SPON1: variants seen among roughly 807,000 people sequenced by gnomAD.
SPON1 encodes spondin-1.
SPON1 carries 52 observed loss-of-function variants against 111.7 expected under a neutral mutation model. The ratio of observed to expected loss-of-function variants is 0.47; its 90% confidence interval spans 0.37 to 0.59. The LOEUF is 0.59. SPON1 is among the 20% of genes least tolerant of loss of function. The pLI is 0.00. For missense variants in SPON1, 957 were observed against 1,068.5 expected, an observed-to-expected ratio of 0.90 and a Z score of 1.46; for synonymous variants, 410 against 395.8, an observed-to-expected ratio of 1.04 and a Z score of -0.43.
At chr11:14,031,466 T>A (rs1040331391) in intron 2 of SPON1, among the ~76,000 whole-genome samples, 2 of 152,184 alleles carry the variant, frequency 1.3e-5, no homozygotes, top group Non-Finnish European at 2.9e-5. Flanking sequence ...AATAACGCAG[T>A]CAATGCAGCC....
At chr11:13,997,461 G>A (rs1848282456) in intron 2 of SPON1, among the ~76,000 whole-genome samples, 1 of 152,180 alleles carries the variant, frequency 6.6e-6, no homozygotes, top group Non-Finnish European at 1.5e-5. Context: ...ATAAAATAAT[G>A]TATGTAAAAT....
At position 14,262,959 on chromosome 11, in the gene SPON1, A is replaced by C; in HGVS notation, c.2244A>C (p.Glu748Asp). 4 of 1,612,454 alleles carry C rather than the reference A, an allele frequency of 2.5e-6. No homozygotes were observed. Among genetic ancestry groups the C allele is most frequent in the Non-Finnish European group, 3.4e-6 (4 of 1,179,426 alleles). Reference sequence around the variant, plus strand: ...GTGAGCAGCTGAAGGAAGAGTCTGAAGGGGAGCAGTTCCCAGGTATGGCTC... The same window carrying C: ...GTGAGCAGCTGAAGGAAGAGTCTGACGGGGAGCAGTTCCCAGGTATGGCTC... ...RRSEQLKEESEGEQFPGCRMR... is the reference protein window; with the variant it reads ...RRSEQLKEESDGEQFPGCRMR... Residue 748 changes from glutamate (E) to aspartate (D), a missense_variant, in exon 15 of 16, where the codon GAA becomes GAC. Glu to Asp is a conservative substitution (Grantham distance 45). Transcript: ENST00000576479.
chr11:14,141,896 C>A (rs189847060), intron 6 of SPON1, among the ~76,000 whole-genome samples: 1 of 152,276 alleles, frequency 6.6e-6, no homozygotes, highest in African/African-American at 2.4e-5. Flanking sequence ...CAAACACACA[C>A]ACACCCCACC....
intron 2 of SPON1, among the ~76,000 whole-genome samples, chr11:14,028,899 G>T (rs1408301588): frequency 6.6e-6 from 1 of 152,134 alleles, no homozygotes; most frequent in Non-Finnish European, 1.5e-5. Context: ...CTACCTCTCA[G>T]GATTCCAGGA....
intron 6 of SPON1, chr11:14,224,633 T>G (rs1848717072): frequency 3.5e-6 from 1 of 287,060 alleles, no homozygotes; most frequent in Admixed American, 3.2e-5. Context: ...AGATAATGCA[T>G]GTAGCACTCT....
In SPON1 at chr11:14,265,531, G is replaced by T. The variant is rs1420699469; in HGVS notation, c.2268G>T (p.Arg756Ser). The T allele has an allele frequency of 1.2e-6, 2 of 1,612,866 alleles. No homozygotes were observed. Among genetic ancestry groups the T allele is most frequent in the East Asian group, 4.5e-5 (2 of 44,880 alleles). ...GCATTCTCATGCTTTCAGGTTGTAG[G>T]ATGCGCCCATGGACGGCCTGGTCAG... The part of the protein sequence containing the change: ...ESEGEQFPGC[R>S]MRPWTAWSEC... The change falls in exon 16 of 16, where the codon AGG becomes AGT. Residue 756 changes from arginine (R) to serine (S), a missense_variant. Transcript: ENST00000576479.
intron 6 of SPON1, among the ~76,000 whole-genome samples, chr11:14,220,360 A>G (rs1848668667): frequency 6.6e-6 from 1 of 152,170 alleles, no homozygotes; most frequent in Admixed American, 6.5e-5. Flanking sequence ...CAACTGTGAG[A>G]AGGTGATTTT....
intron 3 of SPON1, among the ~76,000 whole-genome samples, chr11:14,056,545 A>T (rs1848745809): frequency 6.6e-6 from 1 of 152,144 alleles, no homozygotes. Context: ...AAAAATATAA[A>T]ACAAAGTGGT....
At position 14,265,727 on chromosome 11, in the gene SPON1, G is replaced by A. The variant is rs1849258953; in HGVS notation, c.*40G>A. On this transcript the variant is annotated 3_prime_UTR_variant, in exon 16 of 16. Coordinates refer to ENST00000576479, the MANE Select transcript of SPON1 (RefSeq NM_006108.4). Reference sequence around the variant, plus strand: ...CCCCAGGGCTGCACTCTAGATTCCAGAGTCACCAATGGCTGGATTATTTGC... The same window carrying A: ...CCCCAGGGCTGCACTCTAGATTCCAAAGTCACCAATGGCTGGATTATTTGC... 1.3e-6 allele frequency: 2 copies of A among 1,596,516 alleles called. No homozygotes were observed. The highest frequency in any genetic ancestry group is 1.7e-6 in the Non-Finnish European group (2 of 1,170,390).
chr11:14,037,593 A>G (rs1848604112), intron 2 of SPON1, among the ~76,000 whole-genome samples: 1 of 152,138 alleles, frequency 6.6e-6, no homozygotes, highest in Admixed American at 6.5e-5. Flanking sequence ...AAAATGGATT[A>G]CAGACCTAAG....
At chr11:14,146,664 G>T (rs1191878803) in intron 6 of SPON1, among the ~76,000 whole-genome samples, 1 of 152,054 alleles carries the variant, frequency 6.6e-6, no homozygotes, top group African/African-American at 2.4e-5. Flanking sequence ...GTTTGAAAAA[G>T]CATATAATGA....
intron 5 of SPON1, among the ~76,000 whole-genome samples, chr11:14,133,109 C>T (rs1167447423): frequency 6.6e-6 from 1 of 152,178 alleles, no homozygotes; most frequent in African/African-American, 2.4e-5. Flanking sequence ...TGTTTTTTAA[C>T]AGCACATAGG....
intron 1 of SPON1, among the ~76,000 whole-genome samples, chr11:13,982,329 C>T (rs1554909768): frequency 2.0e-5 from 3 of 152,284 alleles, no homozygotes; most frequent in South Asian, 2.1e-4. Context: ...ATGACTTCCA[C>T]TGGCAGAACT....
At chr11:14,005,867 T>C (rs1239542756) in intron 2 of SPON1, among the ~76,000 whole-genome samples, 1 of 152,202 alleles carries the variant, frequency 6.6e-6, no homozygotes, top group Admixed American at 6.5e-5. Flanking sequence ...GTTCAAATCC[T>C]GAATCTACAA....
chr11:14,188,077 T>G (rs563261314), intron 6 of SPON1, among the ~76,000 whole-genome samples: 2 of 152,234 alleles, frequency 1.3e-5, no homozygotes, highest in South Asian at 2.1e-4. Flanking sequence ...GCTTGGCCAA[T>G]TTTTGTATTT....
chr11:14,030,443 G>A (rs1430294203), intron 2 of SPON1, among the ~76,000 whole-genome samples: 1 of 152,162 alleles, frequency 6.6e-6, no homozygotes, highest in African/African-American at 2.4e-5. Flanking sequence ...GGTGCCAGAG[G>A]GTCCGCCAAT....
rs563650213 is a variant in SPON1 at position 14,147,165 on chromosome 11, G to A, written c.825+11597G>A. Among the ~76,000 whole-genome samples, 92 of 151,250 alleles carry A rather than the reference G, an allele frequency of 6.1e-4. 1 individual carries two copies. In the Middle Eastern group the frequency reaches 0.017, roughly 28 times the overall value. On this transcript the variant is annotated intron_variant, in intron 6 of 15. Coordinates refer to ENST00000576479, the MANE Select transcript of SPON1 (RefSeq NM_006108.4). ...CTGTCTCAGCCTCCTGAGTAGCCGG[G>A]ACTATAGGCACCTGCCACCATGCCT...
rs564755907 is a variant in SPON1 at position 14,218,110 on chromosome 11, C to T, written c.826-25222C>T. On this transcript the variant is annotated intron_variant, in intron 6 of 15. Transcript: ENST00000576479. ...TTATCATATTCATATTACACTACAG[C>T]TAATAATTTGTGCTGAAACAAATAT... is the stretch of plus-strand genomic sequence containing the variant. 5.9e-5 allele frequency among the ~76,000 whole-genome samples: 9 copies of T among 152,280 alleles called. 1 individual carries two copies. The South Asian group carries it at 1.9e-3, about 32-fold the overall frequency.
chr11:13,987,612 A>G (rs1287201484), intron 2 of SPON1, among the ~76,000 whole-genome samples: 2 of 152,328 alleles, frequency 1.3e-5, no homozygotes, highest in East Asian at 1.9e-4. Flanking sequence ...TGTTTTAGAC[A>G]TGAAGTCTTT....
Sources: allele counts gnomAD v4.1 joint callset (sites outside exome capture counted in the v4.1 genomes callset), GRCh38; gene constraint gnomAD v4.1.1; transcripts MANE v1.5; gene names NCBI Gene and HGNC (gene_info 2026-07-23, HGNC 2026-07-21).